Variants in CAMTA1 observed in about 807,000 individuals in gnomAD.
The protein encoded by CAMTA1 is calmodulin binding transcription activator 1.
CAMTA1 carries 27 observed loss-of-function variants against 170.9 expected under a neutral mutation model. That is an observed-to-expected ratio of 0.16 (90% confidence interval 0.12 to 0.22). The LOEUF (loss-of-function observed/expected upper bound fraction) is 0.22. CAMTA1 is among the 10% of genes least tolerant of loss of function. The pLI is 1.00. For synonymous variants in CAMTA1, 833 were observed against 891.5 expected, an observed-to-expected ratio of 0.93 and a Z score of 1.17; for missense variants, 1,619 against 2,217.2, an observed-to-expected ratio of 0.73 and a Z score of 5.42.
chr1:6,953,740 C>A (rs2149487205), intron 3 of CAMTA1, among the ~76,000 whole-genome samples: 1 of 152,122 alleles, frequency 6.6e-6, no homozygotes, highest in Admixed American at 6.5e-5. Context: ...CTTTTAAAAA[C>A]AATGTTCATT....
chr1:7,102,949 G>T (rs1365087862), intron 4 of CAMTA1, among the ~76,000 whole-genome samples: 1 of 152,174 alleles, frequency 6.6e-6, no homozygotes, highest in African/African-American at 2.4e-5. Context: ...CTTCCTGTGT[G>T]CCAGGCATTG....
chr1:7,061,735 G>A (rs1214958490), intron 3 of CAMTA1, among the ~76,000 whole-genome samples: 9 of 148,818 alleles, frequency 6.0e-5, no homozygotes, highest in Non-Finnish European at 1.0e-4. Context: ...GCGGGGAGAA[G>A]GGGCAGTGCC....
chr1:6,911,769 C>A (rs753497905), intron 3 of CAMTA1, among the ~76,000 whole-genome samples: 2 of 152,206 alleles, frequency 1.3e-5, no homozygotes, highest in African/African-American at 4.8e-5. Context: ...TCTTGTGGAA[C>A]CTAAATTAAC....
intron 5 of CAMTA1, among the ~76,000 whole-genome samples, chr1:7,411,242 C>G (rs966680110): frequency 1.3e-5 from 2 of 152,090 alleles, no homozygotes; most frequent in Admixed American, 6.6e-5. Flanking sequence ...TCAGTCATTT[C>G]GAAGCCTCCC....
chr1:6,998,012 A>G (rs1359378891), intron 3 of CAMTA1, among the ~76,000 whole-genome samples: 1 of 151,432 alleles, frequency 6.6e-6, no homozygotes, highest in African/African-American at 2.4e-5. Flanking sequence ...TTTTTGATGC[A>G]TTCTGGTAAG....
intron 6 of CAMTA1, among the ~76,000 whole-genome samples, chr1:7,524,072 C>T (rs1490345734): frequency 3.4e-5 from 5 of 149,012 alleles, no homozygotes; most frequent in Non-Finnish European, 7.4e-5. Context: ...CATGGTGATG[C>T]GTGCCTGTAG....
chr1:7,267,020 T>C (rs1031536150), intron 5 of CAMTA1, among the ~76,000 whole-genome samples: 1 of 152,192 alleles, frequency 6.6e-6, no homozygotes, highest in Admixed American at 6.5e-5. Flanking sequence ...GGGGAGGTTC[T>C]GGACAGGTAA....
chr1:7,057,805 A>T (rs940041449), intron 3 of CAMTA1, among the ~76,000 whole-genome samples: 1 of 151,912 alleles, frequency 6.6e-6, no homozygotes, highest in Non-Finnish European at 1.5e-5. Flanking sequence ...CAGTTAGGAG[A>T]CCTCCGCTTT....
At chr1:7,424,311 A>T (rs780635582) in intron 5 of CAMTA1, among the ~76,000 whole-genome samples, 2 of 152,084 alleles carry the variant, frequency 1.3e-5, no homozygotes, top group Non-Finnish European at 2.9e-5. Flanking sequence ...TCCCCAACCC[A>T]CTTCCTCTGC....
intron 3 of CAMTA1, among the ~76,000 whole-genome samples, chr1:7,000,122 C>G (rs1557950750): frequency 1.3e-5 from 2 of 152,208 alleles, no homozygotes; most frequent in South Asian, 2.1e-4. Context: ...GGTCCTCGCT[C>G]TAGGGACAGG....
At chr1:7,433,367 A>G (rs2092243232) in intron 5 of CAMTA1, among the ~76,000 whole-genome samples, 1 of 152,172 alleles carries the variant, frequency 6.6e-6, no homozygotes, top group South Asian at 2.1e-4. Flanking sequence ...AGCCCTTCAG[A>G]TGGGACTGTG....
In CAMTA1 at chr1:7,575,676, G is replaced by A. The variant is rs1032203003; in HGVS notation, c.511-64724G>A. On this transcript the variant is annotated intron_variant, in intron 6 of 22. Transcript: ENST00000303635. ...TGTATCAAGGAGGAGTCTGAGTTCT[G>A]GCTCAGAGGGAAAGAGTGCAGTGAT... Among the ~76,000 whole-genome samples the A allele has an allele frequency of 3.3e-5, 5 of 152,364 alleles. No individual in the cohort carries two copies. In the South Asian group the frequency reaches 1.0e-3, roughly 32 times the overall value.
intron 3 of CAMTA1, among the ~76,000 whole-genome samples, chr1:7,019,096 G>A (rs1700997481): frequency 6.6e-6 from 1 of 152,202 alleles, no homozygotes; most frequent in African/African-American, 2.4e-5. Context: ...GCCCTGGCCC[G>A]GGAGTGGAGC....
chr1:6,996,138 A>G (rs781324670), intron 3 of CAMTA1, among the ~76,000 whole-genome samples: 1 of 152,256 alleles, frequency 6.6e-6, no homozygotes, highest in Non-Finnish European at 1.5e-5. Flanking sequence ...CAAGACGTCA[A>G]AACATCAGAA....
chr1:7,107,472 C>A (rs544038937), intron 4 of CAMTA1, among the ~76,000 whole-genome samples: 1 of 152,064 alleles, frequency 6.6e-6, no homozygotes, highest in Non-Finnish European at 1.5e-5. Context: ...TCGGGAGAGA[C>A]AATGCTTGGG....
rs1418748290 is a variant in CAMTA1, at chr1:7,041,202, C to A, written c.235-50102C>A. On this transcript the variant is annotated intron_variant, in intron 3 of 22. Transcript: ENST00000303635. This position sits in a 1 kb window ranked among gnomAD's most constrained non-coding sequence, Gnocchi z 5.1. The stretch of plus-strand genomic sequence containing the variant: ...CCCTTGGTTCATTTTCTACACGAGG[C>A]CCCACACGGCCCCGGAGCTGGAGCT... Among the ~76,000 whole-genome samples the A allele has an allele frequency of 3.3e-5, 5 of 152,236 alleles. No homozygotes were observed. Among genetic ancestry groups the A allele is most frequent in the Non-Finnish European group, 7.3e-5 (5 of 68,050 alleles).
chr1:7,391,635 A>G (rs1240586826), intron 5 of CAMTA1, among the ~76,000 whole-genome samples: 3 of 152,176 alleles, frequency 2.0e-5, no homozygotes, highest in Non-Finnish European at 4.4e-5. Context: ...TATCAGCTCA[A>G]AAACTCACTG....
chr1:6,816,385 T>C (rs993736120), intron 1 of CAMTA1, among the ~76,000 whole-genome samples: 1 of 152,224 alleles, frequency 6.6e-6, no homozygotes, highest in Non-Finnish European at 1.5e-5. Flanking sequence ...TTCAGTGCTG[T>C]GTCCCAGCTT....
chr1:6,892,715 A>T (rs979303282), intron 3 of CAMTA1, among the ~76,000 whole-genome samples: 2 of 147,006 alleles, frequency 1.4e-5, no homozygotes, highest in Admixed American at 6.9e-5. Context: ...GGTTGGTTTC[A>T]TTTTCAACTA....
Sources: allele counts gnomAD v4.1 joint callset (sites outside exome capture counted in the v4.1 genomes callset), GRCh38; gene constraint gnomAD v4.1.1; non-coding constraint Gnocchi (gnomAD v3.1); transcripts MANE v1.5; gene names NCBI Gene and HGNC (gene_info 2026-07-23, HGNC 2026-07-21).